Variants in PLA2R1 observed in about 807,000 individuals in gnomAD.
PLA2R1 encodes phospholipase A2 receptor 1, also known as secretory phospholipase A2 receptor.
A neutral mutation model predicts 195.9 loss-of-function variants in PLA2R1; 158 were observed. That is an observed-to-expected ratio of 0.81 (90% CI 0.71 to 0.92). The LOEUF (loss-of-function observed/expected upper bound fraction) is 0.92. Ranked by LOEUF, PLA2R1 falls within the 40% of genes least tolerant of loss-of-function variation. The pLI is 0.00. For synonymous variants in PLA2R1, 586 were observed against 598.2 expected, an observed-to-expected ratio of 0.98 and a Z score of 0.30; for missense variants, 1,626 against 1,764.6, an observed-to-expected ratio of 0.92 and a Z score of 1.41.
In PLA2R1 at chr2:160,028,347, G is replaced by A. The variant is rs1294493349; in HGVS notation, c.970C>T (p.Pro324Ser). ...LNWSPEVNFE[P>S]FVEDHCGTFS... ...GTTCCACAGTGATCTTCAACAAATGGCTCAAAATTTACCTCTGAAAATACA... is the reference window on the plus strand; with the variant it reads ...GTTCCACAGTGATCTTCAACAAATGACTCAAAATTTACCTCTGAAAATACA... Residue 324 changes from proline to serine, a missense_variant, in exon 6 of 30, where the codon CCA (proline) becomes TCA (serine). Physicochemically the swap from Pro to Ser is moderately conservative, Grantham distance 74. Transcript: ENST00000283243. 6.2e-7 allele frequency: 1 copy of A among 1,607,074 alleles called. No individual in the cohort carries two copies. The highest frequency in any genetic ancestry group is 8.5e-7 in the Non-Finnish European group (1 of 1,175,550).
At chr2:160,013,749 G>GTT (rs1558927697) in intron 9 of PLA2R1, among the ~76,000 whole-genome samples, 6 of 137,892 alleles carry the variant, frequency 4.4e-5, no homozygotes, top group Non-Finnish European at 4.8e-5. Context: ...GTGTGTGTGT[G>GTT]TGTCTCTCTC....
intron 1 of PLA2R1, among the ~76,000 whole-genome samples, chr2:160,061,546 G>A (rs907798384): frequency 2.6e-5 from 4 of 152,116 alleles, no homozygotes; most frequent in Non-Finnish European, 5.9e-5. Flanking sequence ...GGACGAGGTG[G>A]GCGGATCACT....
At chr2:159,970,730 A>G (rs1437162151) in intron 17 of PLA2R1, among the ~76,000 whole-genome samples, 3 of 152,192 alleles carry the variant, frequency 2.0e-5, no homozygotes, top group Non-Finnish European at 4.4e-5. Flanking sequence ...ATATAGGACA[A>G]AAGAATACTA....
rs1255112675 is a variant in PLA2R1 at position 159,973,547 on chromosome 2, A to G, written c.2595+2521T>C. Among the ~76,000 whole-genome samples, 4 of 152,072 alleles carry G rather than the reference A, an allele frequency of 2.6e-5. No homozygotes were observed. The South Asian group carries it at 6.2e-4, about 24-fold the overall frequency. On this transcript the variant is annotated intron_variant, in intron 17 of 29. Coordinates refer to ENST00000283243, the MANE Select transcript of PLA2R1 (RefSeq NM_007366.5). ...GGAGAGCTCCTTTGCCTCTTCCACT[A>G]TGTAAGGATACATATGAACCAGGAA... is the stretch of plus-strand genomic sequence containing the variant.
chr2:160,039,318 A>G (rs1694375608), intron 3 of PLA2R1, among the ~76,000 whole-genome samples: 1 of 152,298 alleles, frequency 6.6e-6, no homozygotes, highest in African/African-American at 2.4e-5. Flanking sequence ...CACAACCAAG[A>G]GAGTCCAGAA....
At chr2:160,026,726 T>A (rs1038083795) in intron 6 of PLA2R1, among the ~76,000 whole-genome samples, 8 of 152,232 alleles carry the variant, frequency 5.3e-5, no homozygotes, top group African/African-American at 1.9e-4. Flanking sequence ...CTTTTAAAAT[T>A]GTTTCTAGGA....
chr2:159,945,961 G>A (rs534490325), intron 27 of PLA2R1: 18 of 945,124 alleles, frequency 1.9e-5, no homozygotes, highest in African/African-American at 3.5e-5. Flanking sequence ...AAAACTAATC[G>A]AGTAAAGAAA....
At chr2:159,970,280 G>A (rs1689074411) in intron 17 of PLA2R1, 68 bp from the exon 18 acceptor site, 2 of 1,065,906 alleles carry the variant, frequency 1.9e-6, no homozygotes, top group Non-Finnish European at 1.4e-6. Flanking sequence ...GAGTAATGGG[G>A]TTGCTGCTAA....
rs1467238058 is a variant in PLA2R1, at chr2:159,932,555, A to C, written c.*9223T>G. On this transcript the variant is annotated 3_prime_UTR_variant, in exon 30 of 30. Coordinates refer to ENST00000283243, the MANE Select transcript of PLA2R1 (RefSeq NM_007366.5). ...TCCTTGTTCTGCCTTCTGGTTCTCT[A>C]TCTCTCCGTCCCCCAAGTTCTGATG... is the stretch of plus-strand genomic sequence containing the variant. 6.6e-6 allele frequency: 1 copy of C among 152,174 alleles called. No homozygotes were observed. The highest frequency in any genetic ancestry group is 2.4e-5 in the African/African-American group (1 of 41,384). The allele number at this position is 152,174 out of a possible 1,614,324, so 9.4% of individuals were successfully genotyped here. A position where few individuals can be genotyped will look rare whatever the true frequency, so the allele number is the denominator to read the frequency against.
intron 1 of PLA2R1, among the ~76,000 whole-genome samples, chr2:160,046,505 G>A (rs1694886504): frequency 6.6e-6 from 1 of 152,182 alleles, no homozygotes. Flanking sequence ...CTTCATTCTG[G>A]TAAACGTTCT....
intron 1 of PLA2R1, among the ~76,000 whole-genome samples, chr2:160,058,397 C>T (rs998367929): frequency 1.3e-5 from 2 of 152,134 alleles, no homozygotes; most frequent in Non-Finnish European, 2.9e-5. Flanking sequence ...TTAGAAGAGC[C>T]TCCCCTGAGT....
In PLA2R1 at chr2:159,955,226, A is replaced by T. The variant is rs756034011; in HGVS notation, c.3274T>A (p.Tyr1092Asn). 1 of 1,610,530 alleles carries T rather than the reference A, an allele frequency of 6.2e-7. No homozygotes were observed. The highest frequency in any genetic ancestry group is 1.1e-5 in the South Asian group (1 of 90,308). The change falls in exon 23 of 30, where the codon TAT becomes AAT. Residue 1092 changes from tyrosine (Y) to asparagine (N), a missense_variant. Transcript: ENST00000283243. ...WYFEDCGKEG[Y>N]GFVCEKMQDT... Reference sequence around the variant, plus strand: ...TGCATTTTTTCACAAACAAACCCATAGCCTTCCTTTCCACAGTCTTCAAAA... The same window carrying T: ...TGCATTTTTTCACAAACAAACCCATTGCCTTCCTTTCCACAGTCTTCAAAA...
chr2:160,011,872 A>G (rs1299353570), intron 10 of PLA2R1, among the ~76,000 whole-genome samples: 1 of 152,162 alleles, frequency 6.6e-6, no homozygotes, highest in African/African-American at 2.4e-5. Context: ...CTATATTTCA[A>G]CGGGAGGATC....
At position 159,970,144 on chromosome 2, in the gene PLA2R1, A is replaced by G; in HGVS notation, c.2660+4T>C. The G allele has an allele frequency of 6.3e-7, 1 of 1,582,340 alleles. No individual in the cohort carries two copies. The highest frequency in any genetic ancestry group is 8.7e-7 in the Non-Finnish European group (1 of 1,153,958). ...ATTAAATGCAAATGAATCTAGGTTC[A>G]TACCGAAATTCATCATTGGCTCTTT... On this transcript the variant is annotated splice_donor_region_variant and intron_variant, in intron 18 of 29. Coordinates refer to ENST00000283243, the MANE Select transcript of PLA2R1 (RefSeq NM_007366.5).
At chr2:159,977,934 AAAAT>A (rs1214747933) in intron 14 of PLA2R1, among the ~76,000 whole-genome samples, 2 of 152,102 alleles carry the variant, frequency 1.3e-5, no homozygotes, top group African/African-American at 4.8e-5. Context: ...TGTCTCAAAA[AAAAT>A]AAATAAATAA....
intron 1 of PLA2R1, among the ~76,000 whole-genome samples, chr2:160,045,718 C>T (rs976766087): frequency 6.6e-6 from 1 of 152,164 alleles, no homozygotes; most frequent in South Asian, 2.1e-4. Flanking sequence ...CAATGTTTCT[C>T]AGGAGTACAA....
At chr2:159,942,094 A>T in intron 29 of PLA2R1, 33 bp downstream of exon 29, 1 of 1,602,498 alleles carries the variant, frequency 6.2e-7, no homozygotes, top group African/African-American at 1.3e-5. Flanking sequence ...TTTCTAAGAA[A>T]AATCAAAATG....
intron 2 of PLA2R1, among the ~76,000 whole-genome samples, chr2:160,043,598 G>C (rs1694683374): frequency 1.3e-5 from 2 of 152,162 alleles, no homozygotes; most frequent in Non-Finnish European, 2.9e-5. Flanking sequence ...GGTATTTCAG[G>C]ACATGCCCTT....
At chr2:159,949,185 T>TA (rs1687570185) in intron 25 of PLA2R1, among the ~76,000 whole-genome samples, 1 of 152,138 alleles carries the variant, frequency 6.6e-6, no homozygotes, top group Admixed American at 6.6e-5. Context: ...ACCCCTCCCT[T>TA]ACGCCTAACC....
Sources: gnomAD v4.1 joint callset for allele counts (sites outside exome capture counted in the v4.1 genomes callset) on GRCh38, gnomAD v4.1.1 for gene constraint, MANE v1.5 for transcripts, NCBI Gene and HGNC (gene_info 2026-07-23, HGNC 2026-07-21) for gene names.